CNTN5: variants seen among roughly 807,000 people sequenced by gnomAD.
The protein encoded by CNTN5 is contactin 5.
CNTN5 carries 77 observed loss-of-function variants against 129.1 expected under a neutral mutation model. That is an observed-to-expected ratio of 0.60 (90% CI 0.50 to 0.72). The LOEUF (loss-of-function observed/expected upper bound fraction) is 0.72. CNTN5 is among the 30% of genes least tolerant of loss of function. CNTN5 has a pLI of 0.00. For missense variants in CNTN5, 1,478 were observed against 1,328.8 expected (o/e 1.11, Z -1.75); for synonymous variants, 509 against 465.6 (o/e 1.09, Z -1.20).
chr11:99,094,057 C>T (rs1055147138), intron 1 of CNTN5, among the ~76,000 whole-genome samples: 1 of 151,890 alleles, frequency 6.6e-6, no homozygotes, highest in African/African-American at 2.4e-5. Context: ...ACTGTTAGTA[C>T]ACCTATTTAT....
At chr11:99,342,349 G>C (rs77755409) in intron 2 of CNTN5, among the ~76,000 whole-genome samples, 3 of 151,610 alleles carry the variant, frequency 2.0e-5, no homozygotes, top group African/African-American at 7.3e-5. Flanking sequence ...TAAACGCCAA[G>C]GCTTTTACCT....
At chr11:100,204,552 T>C (rs60899997) in intron 15 of CNTN5, among the ~76,000 whole-genome samples, 24,506 of 150,048 alleles carry the variant, frequency 0.16, 2,493 homozygotes, top group South Asian at 0.42. Context: ...CTCAGCTCAC[T>C]ATAGCCCCCA....
intron 7 of CNTN5, among the ~76,000 whole-genome samples, chr11:99,948,892 T>C (rs771619734): frequency 6.6e-6 from 1 of 152,196 alleles, no homozygotes; most frequent in Non-Finnish European, 1.5e-5. Context: ...AAAATCGTGC[T>C]TCCTGCCCTC....
At chr11:99,742,552 T>A (rs1475785900) in intron 3 of CNTN5, among the ~76,000 whole-genome samples, 3 of 152,194 alleles carry the variant, frequency 2.0e-5, no homozygotes, top group Non-Finnish European at 4.4e-5. Flanking sequence ...GGGCTTTTTC[T>A]AGCTCTAAAA....
chr11:99,216,039 T>C (rs1487938719), intron 1 of CNTN5, among the ~76,000 whole-genome samples: 1 of 152,188 alleles, frequency 6.6e-6, no homozygotes, highest in African/African-American at 2.4e-5. Flanking sequence ...ATCATTCTTT[T>C]AGTTATTTTA....
intron 1 of CNTN5, among the ~76,000 whole-genome samples, chr11:99,322,258 C>T (rs1865605474): frequency 6.6e-6 from 1 of 152,158 alleles, no homozygotes; most frequent in South Asian, 2.1e-4. Flanking sequence ...TTGATCACCA[C>T]ACTGCTTGCA....
At chr11:99,141,726 G>A (rs904276310) in intron 1 of CNTN5, among the ~76,000 whole-genome samples, 1 of 152,020 alleles carries the variant, frequency 6.6e-6, no homozygotes, top group Admixed American at 6.6e-5. Flanking sequence ...ATAATGTCTT[G>A]ATTTCTTCCT....
chr11:99,225,368 T>C (rs1005450662), intron 1 of CNTN5, among the ~76,000 whole-genome samples: 1 of 152,136 alleles, frequency 6.6e-6, no homozygotes, highest in Non-Finnish European at 1.5e-5. Context: ...GTTTGTTTCT[T>C]TATTGGCCTT....
chr11:99,965,053 T>C lies in CNTN5; in HGVS notation c.877+8044T>C, dbSNP rs553839660. 2.9e-3 allele frequency among the ~76,000 whole-genome samples: 443 copies of C among 152,308 alleles called. 2 individuals are homozygous for C. Among genetic ancestry groups the C allele is most frequent in the African/African-American group, 0.01 (431 of 41,564 alleles). On this transcript the variant is annotated intron_variant, in intron 8 of 24. Coordinates refer to ENST00000524871, the MANE Select transcript of CNTN5 (RefSeq NM_014361.4). ...GCGTCTATTTGATTCTTCTCTGTTTTCTTCTTTATTAGTCTTGCTAGCGGT... is the reference window on the plus strand; with the variant it reads ...GCGTCTATTTGATTCTTCTCTGTTTCCTTCTTTATTAGTCTTGCTAGCGGT...
chr11:100,274,380 A>G (rs908639370), intron 18 of CNTN5, among the ~76,000 whole-genome samples: 2 of 152,236 alleles, frequency 1.3e-5, no homozygotes, highest in African/African-American at 4.8e-5. Flanking sequence ...ATGGGTTCTA[A>G]TTAAACTTAA....
intron 2 of CNTN5, among the ~76,000 whole-genome samples, chr11:99,412,350 A>G (rs1389141172): frequency 1.3e-5 from 2 of 152,188 alleles, no homozygotes; most frequent in East Asian, 3.8e-4. Context: ...AAATGTGCCA[A>G]TTCTAGGGAA....
At chr11:99,259,320 A>C (rs1862523568) in intron 1 of CNTN5, among the ~76,000 whole-genome samples, 1 of 151,736 alleles carries the variant, frequency 6.6e-6, no homozygotes, top group Non-Finnish European at 1.5e-5. Flanking sequence ...CTATACCCAT[A>C]TATGTTAGTA....
chr11:99,713,309 G>A (rs560578211), intron 3 of CNTN5, among the ~76,000 whole-genome samples: 14 of 151,950 alleles, frequency 9.2e-5, no homozygotes, highest in African/African-American at 3.1e-4. Flanking sequence ...GTTGTTATTG[G>A]TGTATAGGAA....
chr11:99,516,554 C>T (rs1028404722), intron 2 of CNTN5, among the ~76,000 whole-genome samples: 1 of 152,024 alleles, frequency 6.6e-6, no homozygotes, highest in Non-Finnish European at 1.5e-5. Context: ...TACATGCTTA[C>T]GCACGGGCAC....
intron 17 of CNTN5, among the ~76,000 whole-genome samples, chr11:100,266,287 C>T (rs1950301489): frequency 6.6e-6 from 1 of 152,154 alleles, no homozygotes; most frequent in South Asian, 2.1e-4. Flanking sequence ...AAGATGCTTT[C>T]CCTGAGTCAC....
intron 4 of CNTN5, among the ~76,000 whole-genome samples, chr11:99,839,978 G>T (rs1360961452): frequency 6.6e-6 from 1 of 151,826 alleles, no homozygotes; most frequent in Non-Finnish European, 1.5e-5. Context: ...AGTTAAAAAG[G>T]CCAACTGAGT....
intron 7 of CNTN5, among the ~76,000 whole-genome samples, chr11:99,932,278 C>T (rs1190780851): frequency 1.3e-5 from 2 of 151,922 alleles, no homozygotes; most frequent in African/African-American, 2.4e-5. Context: ...CTGCAACCTT[C>T]GCCTCCCGGG....
chr11:99,751,010 C>T (rs905837034), intron 3 of CNTN5, among the ~76,000 whole-genome samples: 6 of 152,164 alleles, frequency 3.9e-5, no homozygotes, highest in African/African-American at 1.4e-4. Flanking sequence ...ACCTCATCTC[C>T]TTCAGTGTGA....
At chr11:99,864,261 AGAAT>A (rs1364025912) in intron 6 of CNTN5, among the ~76,000 whole-genome samples, 1 of 152,156 alleles carries the variant, frequency 6.6e-6, no homozygotes, top group Admixed American at 6.5e-5. Flanking sequence ...CTGAACACTT[AGAAT>A]GAAAGAGATA....
Sources: allele counts gnomAD v4.1 joint callset (sites outside exome capture counted in the v4.1 genomes callset), GRCh38; gene constraint gnomAD v4.1.1; transcripts MANE v1.5; gene names NCBI Gene and HGNC (gene_info 2026-07-23, HGNC 2026-07-21).